TENT4A: variants seen among roughly 807,000 people sequenced by gnomAD.
TENT4A encodes the protein terminal nucleotidyltransferase 4A.
A neutral mutation model predicts 72.8 loss-of-function variants in TENT4A; 7 were observed. That is an observed-to-expected ratio of 0.10 (90% CI 0.05 to 0.18). The LOEUF is 0.18. Among genes scored for constraint, TENT4A ranks in the 10% least tolerant of loss-of-function variants. The pLI is 1.00. For missense variants in TENT4A, 831 were observed against 1,017.7 expected (o/e 0.82, Z 2.50); for synonymous variants, 456 against 434.3 (o/e 1.05, Z -0.62).
intron 1 of TENT4A, among the ~76,000 whole-genome samples, chr5:6,733,298 C>T (rs528774169): frequency 4.6e-5 from 7 of 152,238 alleles, no homozygotes; most frequent in Non-Finnish European, 1.0e-4. Flanking sequence ...CAGGCCGCCT[C>T]TTGGCTGGCA....
chr5:6,748,352 G>C, intron 7 of TENT4A, 112 bp from the exon 8 acceptor site: 1 of 1,415,746 alleles, frequency 7.1e-7, no homozygotes, highest in Non-Finnish European at 9.8e-7. Context: ...GTAGGGTCTG[G>C]AAGAGTTTCA....
chr5:6,755,025 C>G lies in TENT4A; in HGVS notation c.*80C>G, dbSNP rs1415187963. On this transcript the variant is annotated 3_prime_UTR_variant, in exon 13 of 13. Transcript: ENST00000230859. The stretch of plus-strand genomic sequence containing the variant: ...CGGCCACCGGCAGGGGAACCGAGAC[C>G]AGCACCCCGCACGTCAGCCGGGCTC... The G allele has an allele frequency of 7.8e-7, 1 of 1,284,070 alleles. No individual in the cohort carries two copies. The highest frequency in any genetic ancestry group is 2.7e-5 in the Admixed American group (1 of 37,620). The allele number at this position is 1,284,070 out of a possible 1,614,324, so 79.5% of individuals were successfully genotyped here.
At chr5:6,736,249 C>T (rs1161007722) in intron 1 of TENT4A, among the ~76,000 whole-genome samples, 8 of 152,074 alleles carry the variant, frequency 5.3e-5, no homozygotes, top group South Asian at 2.1e-4. Flanking sequence ...ACTCTTTTGG[C>T]GGGGTGGGAA....
chr5:6,720,178 T>C (rs1740575162), intron 1 of TENT4A, among the ~76,000 whole-genome samples: 2 of 152,198 alleles, frequency 1.3e-5, no homozygotes, highest in Admixed American at 1.3e-4. Flanking sequence ...TTCTATGGGC[T>C]TGTGTTATTG....
Position 6,738,667 on chromosome 5 carries a change from C to A in TENT4A, c.841-16C>A, listed in dbSNP as rs1358003694. 2.5e-6 allele frequency: 4 copies of A among 1,606,838 alleles called. No homozygotes were observed. The African/African-American group carries it at 5.4e-5, about 22-fold the overall frequency. On this transcript the variant is annotated splice_polypyrimidine_tract_variant and intron_variant, in intron 2 of 12. Transcript: ENST00000230859. ...GTTTGTGGTATACATTTTAAGGCAA[C>A]CACTCTTTCTTTCAGGTACAGATAT...
At chr5:6,750,914 A>C (rs890666811) in intron 10 of TENT4A, 125 bp from the exon 11 acceptor site, 1 of 1,028,938 alleles carries the variant, frequency 9.7e-7, no homozygotes, top group African/African-American at 1.6e-5. Context: ...TTCAGAAGTT[A>C]GACTTAATTT....
intron 8 of TENT4A, 51 bp downstream of exon 8, chr5:6,748,641 C>T (rs1742235660): frequency 1.9e-6 from 3 of 1,559,234 alleles, no homozygotes; most frequent in South Asian, 1.1e-5. Flanking sequence ...TGGGATGGTA[C>T]TTATCCCTTT....
intron 5 of TENT4A, among the ~76,000 whole-genome samples, chr5:6,743,299 T>C (rs1216608834): frequency 3.3e-5 from 5 of 152,118 alleles, no homozygotes; most frequent in Admixed American, 3.3e-4. Flanking sequence ...AGCCAGGCTT[T>C]CCCTCCCTCC....
intron 6 of TENT4A, chr5:6,745,821 C>T (rs1391681638): frequency 6.5e-6 from 2 of 307,612 alleles, no homozygotes; most frequent in African/African-American, 4.5e-5. Context: ...AACACTGACC[C>T]CTGTTGGTTG....
chr5:6,735,032 T>C (rs1211584940), intron 1 of TENT4A, among the ~76,000 whole-genome samples: 1 of 152,224 alleles, frequency 6.6e-6, no homozygotes, highest in African/African-American at 2.4e-5. Context: ...AGCTATTTGA[T>C]GTTGCCGTTA....
intron 3 of TENT4A, 71 bp downstream of exon 3, chr5:6,738,800 A>G: frequency 9.0e-7 from 1 of 1,106,828 alleles, no homozygotes; most frequent in South Asian, 1.3e-5. Flanking sequence ...TAAGGGCTAC[A>G]AATAGATTCT....
At chr5:6,720,859 C>T (rs1740614248) in intron 1 of TENT4A, among the ~76,000 whole-genome samples, 1 of 151,884 alleles carries the variant, frequency 6.6e-6, no homozygotes, top group Admixed American at 6.6e-5. Flanking sequence ...CCAAGAGTCA[C>T]CTCTGGAACC....
chr5:6,749,689 A>T (rs776602099), intron 9 of TENT4A, 32 bp downstream of exon 9: 14 of 1,396,290 alleles, frequency 1.0e-5, no homozygotes, highest in African/African-American at 1.4e-5. Flanking sequence ...GTTCATCCTA[A>T]CCACTGGCTG....
In TENT4A at chr5:6,713,711, A is replaced by C. The variant is rs1269704943; in HGVS notation, c.-273A>C. On this transcript the variant is annotated 5_prime_UTR_variant, in exon 1 of 13. Coordinates refer to ENST00000230859, the MANE Select transcript of TENT4A (RefSeq NM_006999.6). ...CGTGAAGCGGGAGCCCGGAGACCGCAGCCGCCCGCTGGGACGCGCCAAGCG... is the reference window on the plus strand; with the variant it reads ...CGTGAAGCGGGAGCCCGGAGACCGCCGCCGCCCGCTGGGACGCGCCAAGCG... 6.9e-6 allele frequency: 1 copy of C among 144,438 alleles called. No individual in the cohort carries two copies. The highest frequency in any genetic ancestry group is 2.1e-4 in the East Asian group (1 of 4,834). 8.9% of individuals were successfully genotyped at this position (144,438 alleles called of 1,614,324 possible).
At position 6,713,945 on chromosome 5, in the gene TENT4A, GGCGGGCGGGCGCGCGGGCCCC is replaced by G. The variant is rs940518288; in HGVS notation, c.-33_-13del. The G allele has an allele frequency of 1.1e-6, 1 of 875,318 alleles. No homozygotes were observed. The highest frequency in any genetic ancestry group is 1.4e-6 in the Non-Finnish European group (1 of 732,932). The allele number at this position is 875,318 out of a possible 1,614,324, so 54.2% of individuals were successfully genotyped here. On this transcript the variant is annotated 5_prime_UTR_variant, in exon 1 of 13. Coordinates refer to ENST00000230859, the MANE Select transcript of TENT4A (RefSeq NM_006999.6). ...CGCGGCGGGGGCGGGGCCGCGTCGG[GGCGGGCGGGCGCGCGGGCCCC>G]GCGGGGGCGGCGCGTGGATGGATCC...
chr5:6,754,638 C>G, intron 12 of TENT4A, 113 bp from the exon 13 acceptor site: 1 of 688,780 alleles, frequency 1.5e-6, no homozygotes, highest in Non-Finnish European at 2.2e-6. Flanking sequence ...GGCAGGTGTC[C>G]ATCCCTGCTC....
chr5:6,747,424 T>TA (rs918944915), intron 7 of TENT4A, among the ~76,000 whole-genome samples: 1 of 152,176 alleles, frequency 6.6e-6, no homozygotes, highest in African/African-American at 2.4e-5. Context: ...CCTATACATT[T>TA]AAAAAAACAC....
At chr5:6,733,017 G>A (rs369559056) in intron 1 of TENT4A, among the ~76,000 whole-genome samples, 3 of 152,210 alleles carry the variant, frequency 2.0e-5, no homozygotes, top group Non-Finnish European at 2.9e-5. Flanking sequence ...CTCTGCTTCC[G>A]GTTCTGGGGG....
intron 1 of TENT4A, among the ~76,000 whole-genome samples, chr5:6,737,019 C>T (rs571278050): frequency 7.2e-5 from 11 of 152,344 alleles, no homozygotes; most frequent in South Asian, 2.1e-4. Context: ...AGGACTCATA[C>T]GTCTTTTTCC....
Sources: gnomAD v4.1 joint callset for allele counts (sites outside exome capture counted in the v4.1 genomes callset) on GRCh38, gnomAD v4.1.1 for gene constraint, MANE v1.5 for transcripts, NCBI Gene and HGNC (gene_info 2026-07-23, HGNC 2026-07-21) for gene names.